The following LDAF1 variants were observed in gnomAD, a reference collection of about 807,000 sequenced individuals.
The protein encoded by LDAF1 is PROMETHIN.
In LDAF1, 7 loss-of-function variants were observed where a neutral mutation model predicts 13.5. The ratio of observed to expected loss-of-function variants is 0.52; its 90% CI spans 0.29 to 0.97. LDAF1 has a LOEUF of 0.97. LDAF1 is among the 50% of genes least tolerant of loss of function. The probability of loss-of-function intolerance (pLI) is 0.07; values close to 1 mark genes in which losing one functional copy is unlikely to be tolerated. For missense variants in LDAF1, 148 were observed against 193.2 expected, an observed-to-expected ratio of 0.77 and a Z score of 1.39; for synonymous variants, 69 against 77.1, an observed-to-expected ratio of 0.89 and a Z score of 0.55.
chr16:21,166,747 T>C, intron 2 of LDAF1: 2 of 1,036,442 alleles, frequency 1.9e-6, no homozygotes, highest in East Asian at 5.2e-5. Context: ...GGATTCGAAC[T>C]GGAAAGAAGT....
In LDAF1 at chr16:21,174,156, C is replaced by G; in HGVS notation, c.404+8C>G. On this transcript the variant is annotated splice_region_variant and intron_variant, in intron 4 of 4. Transcript: ENST00000233047. ...CTGCTGGTTTTCTCCCAGGTAAATA[C>G]ATGTCCATGAAATAATTTATTTTTT... is the stretch of plus-strand genomic sequence containing the variant. 1 of 1,594,178 alleles carries G rather than the reference C, an allele frequency of 6.3e-7. No individual in the cohort carries two copies. The highest frequency in any genetic ancestry group is 8.5e-7 in the Non-Finnish European group (1 of 1,174,814).
chr16:21,162,306 C>T lies in LDAF1; in HGVS notation c.96+1028C>T, dbSNP rs143431637. 3.2e-3 allele frequency among the ~76,000 whole-genome samples: 486 copies of T among 152,170 alleles called. 4 individuals are homozygous for T. The highest frequency in any genetic ancestry group is 0.011 in the African/African-American group (467 of 41,494). On this transcript the variant is annotated intron_variant, in intron 2 of 4. Transcript: ENST00000233047. The stretch of plus-strand genomic sequence containing the variant: ...TTTGAACTCCCTCTTCAAAACCCCC[C>T]GTGCGCATATTTTACACTTCTAGCA...
chr16:21,179,423 T>C (rs2093164835), intron 4 of LDAF1, 52 bp from the exon 5 acceptor site: 4 of 1,613,444 alleles, frequency 2.5e-6, no homozygotes, highest in Middle Eastern at 1.6e-4. Context: ...ACTTCCAACG[T>C]TGCTCTTTAC....
intron 1 of LDAF1, chr16:21,159,277 C>G: frequency 6.6e-7 from 1 of 1,509,274 alleles, no homozygotes; most frequent in Non-Finnish European, 9.2e-7. Context: ...CCTCTGAGTT[C>G]CCATTATTCA....
chr16:21,172,468 A>AAAAGAAAG (rs756616990), intron 3 of LDAF1, among the ~76,000 whole-genome samples: 1 of 152,028 alleles, frequency 6.6e-6, no homozygotes, highest in Non-Finnish European at 1.5e-5. Context: ...AAGAAAAGAA[A>AAAAGAAAG]AAAGAAAGAA....
At chr16:21,164,880 T>C (rs987649979) in intron 2 of LDAF1, among the ~76,000 whole-genome samples, 2 of 152,190 alleles carry the variant, frequency 1.3e-5, no homozygotes, top group Non-Finnish European at 2.9e-5. Flanking sequence ...TGAGTTTAAA[T>C]AGTGTTAGGT....
chr16:21,159,162 G>A (rs1191679020), intron 1 of LDAF1, among the ~76,000 whole-genome samples: 1 of 152,010 alleles, frequency 6.6e-6, no homozygotes, highest in African/African-American at 2.4e-5. Flanking sequence ...TCACCACCCA[G>A]CCCCTCTTCT....
In LDAF1 at chr16:21,161,172, T is replaced by A; in HGVS notation, c.-11T>A. 1 of 1,613,838 alleles carries A rather than the reference T, an allele frequency of 6.2e-7. No individual in the cohort carries two copies. The highest frequency in any genetic ancestry group is 8.5e-7 in the Non-Finnish European group (1 of 1,179,950). Reference sequence around the variant, plus strand: ...TAATTCATCCCTAAAGAGATTGAAGTGAGCTTCAGAATGGCAAAAGAGGAG... The same window carrying A: ...TAATTCATCCCTAAAGAGATTGAAGAGAGCTTCAGAATGGCAAAAGAGGAG... On this transcript the variant is annotated 5_prime_UTR_variant, in exon 2 of 5. Transcript: ENST00000233047.
Position 21,161,128 on chromosome 16 carries a change from G to A in LDAF1, c.-55G>A. 6.2e-7 allele frequency: 1 copy of A among 1,605,834 alleles called. No individual in the cohort carries two copies. Among genetic ancestry groups the A allele is most frequent in the Non-Finnish European group, 8.5e-7 (1 of 1,176,936 alleles). ...GAGAGATTGGACCGCGGGCTGCACT[G>A]GAGAATTTACTGGTAGGATAATTCA... On this transcript the variant is annotated 5_prime_UTR_variant, in exon 2 of 5. Coordinates refer to ENST00000233047, the MANE Select transcript of LDAF1 (RefSeq NM_001301771.2).
chr16:21,172,956 A>G (rs7192830), intron 3 of LDAF1: 182,462 of 375,052 alleles, frequency 0.49, 45,241 homozygotes, highest in East Asian at 0.86. Context: ...CAGCCATACA[A>G]TACTTGCCAT....
rs376882156 is a variant in LDAF1, at chr16:21,170,624, C to A, written c.265+19C>A. ...TTGGAAGGTAGCCTGTTCCGTCATT[C>A]ACCCCTTTAGAAAATAATTCAATTG... On this transcript the variant is annotated intron_variant, in intron 3 of 4. Transcript: ENST00000233047. 6.2e-7 allele frequency: 1 copy of A among 1,613,834 alleles called. No homozygotes were observed. Among genetic ancestry groups the A allele is most frequent in the South Asian group, 1.1e-5 (1 of 91,056 alleles).
rs112569480 is a variant in LDAF1, at chr16:21,170,526, G to A, written c.186G>A (p.Ser62=). Residue 62 remains serine, a synonymous_variant, in exon 3 of 5, where the codon TCG becomes TCA. Coordinates refer to ENST00000233047, the MANE Select transcript of LDAF1 (RefSeq NM_001301771.2). ...CCTTGCTGGTGTTCATTGTCATGTC[G>A]GCCGTTCCTGTTGGATTCTTCCTGC... is the stretch of plus-strand genomic sequence containing the variant. ...AFTLLVFIVM[S]AVPVGFFLLI... 12 of 1,613,952 alleles carry A rather than the reference G, an allele frequency of 7.4e-6. No individual in the cohort carries two copies. Among genetic ancestry groups the A allele is most frequent in the East Asian group, 2.2e-5 (1 of 44,892 alleles).
chr16:21,160,987 C>A, intron 1 of LDAF1, 98 bp from the exon 2 acceptor site: 1 of 1,342,784 alleles, frequency 7.4e-7, no homozygotes, highest in Non-Finnish European at 9.5e-7. Context: ...GGTTACCCTC[C>A]GTCTGCATGC....
Position 21,174,131 on chromosome 16 carries a change from C to A in LDAF1, c.387C>A (p.Ser129Arg). ...ASYVVVSSLI[S>R]CWFSPRPLTQ... ...ATGTAGTGGTCTCCAGCCTCATCAG[C>A]TGCTGGTTTTCTCCCAGGTAAATAC... The change falls in exon 4 of 5, where the codon AGC (serine) becomes AGA (arginine). Residue 129 changes from serine (S) to arginine (R), a missense_variant. By Grantham distance (110) the Ser-to-Arg change is moderately radical (BLOSUM62 -1). Transcript: ENST00000233047. The A allele has an allele frequency of 1.2e-6, 2 of 1,609,432 alleles. No homozygotes were observed. The highest frequency in any genetic ancestry group is 1.7e-6 in the Non-Finnish European group (2 of 1,178,814).
rs971498193 is a variant in LDAF1 at position 21,161,116 on chromosome 16, G to T, written c.-67G>T. 1.7e-5 allele frequency: 27 copies of T among 1,591,658 alleles called. No homozygotes were observed. In the Admixed American group the frequency reaches 3.7e-4, roughly 22 times the overall value. On this transcript the variant is annotated 5_prime_UTR_variant, in exon 2 of 5. Coordinates refer to ENST00000233047, the MANE Select transcript of LDAF1 (RefSeq NM_001301771.2). ...ACAGAGCGACATGAGAGATTGGACC[G>T]CGGGCTGCACTGGAGAATTTACTGG...
At chr16:21,171,288 A>G (rs1053796694) in intron 3 of LDAF1, among the ~76,000 whole-genome samples, 2 of 152,162 alleles carry the variant, frequency 1.3e-5, no homozygotes, top group Non-Finnish European at 2.9e-5. Flanking sequence ...ATCAGATCAC[A>G]CACCCCAGGC....
At chr16:21,166,865 T>C (rs2093028996) in intron 2 of LDAF1, 1 of 1,535,732 alleles carries the variant, frequency 6.5e-7, no homozygotes, top group South Asian at 1.2e-5. Context: ...AGGATCTCAC[T>C]GGACTCTGAT....
intron 1 of LDAF1, among the ~76,000 whole-genome samples, chr16:21,160,206 A>G (rs920866453): frequency 6.6e-6 from 1 of 152,096 alleles, no homozygotes; most frequent in Non-Finnish European, 1.5e-5. Context: ...AAAGGGAGAA[A>G]TGGAAAAGAT....
At chr16:21,160,932 C>A in intron 1 of LDAF1, 153 bp from the exon 2 acceptor site, 1 of 871,646 alleles carries the variant, frequency 1.1e-6, no homozygotes, top group Non-Finnish European at 1.5e-6. Context: ...ATATAAATTC[C>A]TGGATTGAAG....
Sources: gnomAD v4.1 joint callset for allele counts (sites outside exome capture counted in the v4.1 genomes callset) on GRCh38, gnomAD v4.1.1 for gene constraint, MANE v1.5 for transcripts, NCBI Gene and HGNC (gene_info 2026-07-23, HGNC 2026-07-21) for gene names.